Variants in MACROD1 observed in about 807,000 individuals in gnomAD.
MACROD1 encodes the protein ADP-ribose glycohydrolase MACROD1.
MACROD1 carries 31 observed loss-of-function variants against 41.4 expected under a neutral mutation model. The observed-to-expected ratio is 0.75, with a 90% CI of 0.56 to 1.01. The LOEUF (loss-of-function observed/expected upper bound fraction) is 1.01, where lower values mean the gene tolerates loss of function less well. Ranked by LOEUF, MACROD1 falls within the 50% of genes least tolerant of loss-of-function variation. MACROD1 has a pLI of 0.00. For synonymous variants in MACROD1, 252 were observed against 203.4 expected (o/e 1.24, Z -2.03); for missense variants, 473 against 460.0 (o/e 1.03, Z -0.26).
At position 64,155,263 on chromosome 11, in the gene MACROD1, TA is replaced by T. The variant is rs200474379; in HGVS notation, c.299-2871del. Among the ~76,000 whole-genome samples the T allele has an allele frequency of 9.6e-4, 145 of 151,734 alleles. 8 individuals are homozygous for T. In the East Asian group the frequency reaches 0.02, roughly 21 times the overall value. On this transcript the variant is annotated intron_variant, in intron 1 of 10. Transcript: ENST00000255681. ...AGGGAGCCAGAGATGATCCCCTAAT[TA>T]AAAAAGAAAAAAAAGAGAGAGAGCA...
chr11:64,156,964 A>G (rs1313180060), intron 1 of MACROD1, among the ~76,000 whole-genome samples: 5 of 152,334 alleles, frequency 3.3e-5, no homozygotes, highest in South Asian at 4.1e-4. Context: ...GAAAAGGCCA[A>G]CTGCGCCCAT....
chr11:64,099,978 TG>T (rs1415896907), intron 3 of MACROD1, among the ~76,000 whole-genome samples: 1 of 152,094 alleles, frequency 6.6e-6, no homozygotes, highest in Non-Finnish European at 1.5e-5. Context: ...GTGCAGTGTT[TG>T]GTGGATGGTC....
At chr11:64,060,937 C>T (rs1004639482) in intron 3 of MACROD1, among the ~76,000 whole-genome samples, 1 of 151,322 alleles carries the variant, frequency 6.6e-6, no homozygotes, top group Non-Finnish European at 1.5e-5. Flanking sequence ...GCATGCGCAC[C>T]GCGGCGGCGG....
At chr11:64,087,775 T>C (rs1944420130) in intron 3 of MACROD1, among the ~76,000 whole-genome samples, 1 of 152,234 alleles carries the variant, frequency 6.6e-6, no homozygotes, top group Non-Finnish European at 1.5e-5. Flanking sequence ...CACGTCTGAA[T>C]GACCGGAGGC....
chr11:64,087,888 C>A (rs1944422121), intron 3 of MACROD1, among the ~76,000 whole-genome samples: 1 of 152,220 alleles, frequency 6.6e-6, no homozygotes, highest in Non-Finnish European at 1.5e-5. Flanking sequence ...CAGGGCTTAG[C>A]TCCTTCTTTC....
chr11:64,009,243 A>G (rs1401530461), intron 4 of MACROD1: 1 of 152,202 alleles, frequency 6.6e-6, no homozygotes, highest in Non-Finnish European at 1.5e-5. Flanking sequence ...AGTGTTTTAA[A>G]AAATGTTTTT....
At chr11:64,039,814 T>C (rs1264278968) in intron 3 of MACROD1, among the ~76,000 whole-genome samples, 1 of 152,176 alleles carries the variant, frequency 6.6e-6, no homozygotes, top group Non-Finnish European at 1.5e-5. Context: ...TGGAGGTTGT[T>C]TGCTGGATTC....
intron 4 of MACROD1, among the ~76,000 whole-genome samples, chr11:64,010,745 G>T (rs546837816): frequency 4.8e-5 from 7 of 147,250 alleles, no homozygotes; most frequent in East Asian, 4.2e-4. Flanking sequence ...GTTGGTTGGG[G>T]TGTTGGCTGG....
intron 1 of MACROD1, among the ~76,000 whole-genome samples, chr11:64,155,240 G>A (rs1945649604): frequency 6.6e-6 from 1 of 152,172 alleles, no homozygotes; most frequent in South Asian, 2.1e-4. Flanking sequence ...GAGGTAAGAG[G>A]GAGCCAGAGA....
chr11:64,138,762 C>A (rs1359733686), intron 3 of MACROD1, among the ~76,000 whole-genome samples: 1 of 151,582 alleles, frequency 6.6e-6, no homozygotes, highest in East Asian at 1.9e-4. Context: ...GTGGGTGCCA[C>A]TGATGGGGAT....
intron 3 of MACROD1, among the ~76,000 whole-genome samples, chr11:64,050,924 C>G (rs1943681731): frequency 6.6e-6 from 1 of 152,222 alleles, no homozygotes; most frequent in African/African-American, 2.4e-5. Flanking sequence ...CGGCCACAGC[C>G]TTGCTTTTCT....
intron 3 of MACROD1, among the ~76,000 whole-genome samples, chr11:64,046,414 G>T (rs1242985815): frequency 6.6e-6 from 1 of 152,168 alleles, no homozygotes; most frequent in Non-Finnish European, 1.5e-5. Context: ...CCCTGTGCTG[G>T]GGTGCGAGGC....
At chr11:64,110,966 G>A (rs919308353) in intron 3 of MACROD1, among the ~76,000 whole-genome samples, 7 of 152,220 alleles carry the variant, frequency 4.6e-5, no homozygotes, top group South Asian at 4.1e-4. Context: ...GGAGGGGGGC[G>A]GCAGGGGAGC....
At chr11:64,014,530 C>T (rs1590801376) in intron 4 of MACROD1, among the ~76,000 whole-genome samples, 1 of 152,372 alleles carries the variant, frequency 6.6e-6, no homozygotes, top group East Asian at 1.9e-4. Context: ...AACCCCTGGC[C>T]CCTAGCTCAC....
chr11:64,069,362 G>A (rs1040473321), intron 3 of MACROD1, among the ~76,000 whole-genome samples: 1 of 152,184 alleles, frequency 6.6e-6, no homozygotes, highest in Non-Finnish European at 1.5e-5. Context: ...AGAGGATGGG[G>A]GTCTCTCTCT....
chr11:64,046,699 A>G (rs940945600), intron 3 of MACROD1, among the ~76,000 whole-genome samples: 5 of 152,102 alleles, frequency 3.3e-5, no homozygotes, highest in African/African-American at 9.7e-5. Flanking sequence ...GGGTTTCACC[A>G]TGTTGGTCAG....
At chr11:64,031,027 C>T (rs968231418) in intron 3 of MACROD1, among the ~76,000 whole-genome samples, 1 of 152,024 alleles carries the variant, frequency 6.6e-6, no homozygotes, top group African/African-American at 2.4e-5. Flanking sequence ...GAAGTAAGAC[C>T]CTTGTTTCAA....
intron 4 of MACROD1, among the ~76,000 whole-genome samples, chr11:64,008,750 G>T (rs1239159630): frequency 2.6e-5 from 4 of 152,170 alleles, no homozygotes; most frequent in African/African-American, 9.7e-5. Flanking sequence ...GGCAGGCTCG[G>T]CTCCTGCAGT....
At chr11:64,039,873 G>A (rs1191403085) in intron 3 of MACROD1, among the ~76,000 whole-genome samples, 2 of 152,194 alleles carry the variant, frequency 1.3e-5, no homozygotes, top group Non-Finnish European at 2.9e-5. Context: ...GGTGGCTAGT[G>A]AGGGTGGGGG....
Sources: gnomAD v4.1 joint callset for allele counts (sites outside exome capture counted in the v4.1 genomes callset) on GRCh38, gnomAD v4.1.1 for gene constraint, MANE v1.5 for transcripts, NCBI Gene and HGNC (gene_info 2026-07-23, HGNC 2026-07-21) for gene names.